Variants in DAPK2 observed in about 807,000 individuals in gnomAD.
DAPK2 encodes death associated protein kinase 2, also known as death-associated protein kinase 2.
DAPK2 carries 35 observed loss-of-function variants against 44.1 expected under a neutral mutation model. The ratio of observed to expected loss-of-function variants is 0.79; its 90% confidence interval spans 0.61 to 1.05. The LOEUF (loss-of-function observed/expected upper bound fraction) is 1.05. DAPK2 is among the 50% of genes least tolerant of loss of function. DAPK2 has a pLI of 0.00. For missense variants in DAPK2, 453 were observed against 483.2 expected, an observed-to-expected ratio of 0.94 and a Z score of 0.59; for synonymous variants, 174 against 182.6, an observed-to-expected ratio of 0.95 and a Z score of 0.38.
chr15:64,006,289 C>T (rs936267704), intron 1 of DAPK2, among the ~76,000 whole-genome samples: 5 of 152,254 alleles, frequency 3.3e-5, no homozygotes, highest in African/African-American at 1.2e-4. Flanking sequence ...ACACATGTAG[C>T]TTTTGCCAAT....
intron 3 of DAPK2, among the ~76,000 whole-genome samples, chr15:63,952,377 T>A (rs2077613719): frequency 6.6e-6 from 1 of 152,164 alleles, no homozygotes; most frequent in Admixed American, 6.5e-5. Context: ...CTTGAGTGAT[T>A]AGCAGGAAAT....
At position 63,912,779 on chromosome 15, in the gene DAPK2, T is replaced by C. The variant is rs1299962816; in HGVS notation, c.859-582A>G. 6.6e-6 allele frequency among the ~76,000 whole-genome samples: 1 copy of C among 152,184 alleles called. No homozygotes were observed. Among genetic ancestry groups the C allele is most frequent in the Non-Finnish European group, 1.5e-5 (1 of 68,036 alleles). ...AGTTTCCCCATCTGTAATATGGGGA[T>C]AATAATATCATGTCACAGGGTTGTT... On this transcript the variant is annotated intron_variant, in intron 8 of 10. Transcript: ENST00000261891. This position sits in a 1 kb window ranked among gnomAD's most constrained non-coding sequence, Gnocchi z 4.4.
intron 2 of DAPK2, among the ~76,000 whole-genome samples, 174 bp downstream of exon 3, chr15:63,983,359 A>G (rs958353964): frequency 6.6e-6 from 1 of 152,316 alleles, no homozygotes; most frequent in East Asian, 1.9e-4. Context: ...GGAAGCGGGT[A>G]AGGAGGAAGG....
chr15:63,929,854 C>T, intron 5 of DAPK2: 3 of 605,140 alleles, frequency 5.0e-6, no homozygotes, highest in Admixed American at 2.1e-5. Flanking sequence ...TCCCTTACCA[C>T]CTCGGAGCCC....
intron 1 of DAPK2, among the ~76,000 whole-genome samples, chr15:64,005,480 G>T (rs2079201536): frequency 6.6e-6 from 1 of 151,786 alleles, no homozygotes; most frequent in Admixed American, 6.6e-5. Flanking sequence ...AGGTGCTGGA[G>T]AAGATGTGGA....
upstream of DAPK2, chr15:64,040,355 G>T: frequency 1.0e-6 from 1 of 989,384 alleles, no homozygotes; most frequent in Non-Finnish European, 1.6e-6. Flanking sequence ...TTGGCTGCAA[G>T]GGAGCTAATA....
At chr15:63,948,083 C>T (rs1567225635) in intron 3 of DAPK2, among the ~76,000 whole-genome samples, 1 of 151,988 alleles carries the variant, frequency 6.6e-6, no homozygotes, top group Admixed American at 6.6e-5. Flanking sequence ...GCCTGGCCAA[C>T]ATAGCGAAAC....
At chr15:63,989,706 C>T (rs1348193223) in intron 1 of DAPK2, among the ~76,000 whole-genome samples, 2 of 152,130 alleles carry the variant, frequency 1.3e-5, no homozygotes, top group African/African-American at 2.4e-5. Flanking sequence ...TACATACACA[C>T]GCACATACAT....
chr15:63,941,109 C>T (rs1256503580), intron 3 of DAPK2, among the ~76,000 whole-genome samples: 2 of 152,226 alleles, frequency 1.3e-5, no homozygotes, highest in South Asian at 2.1e-4. Context: ...TCTTAAAGCA[C>T]TGAAGGGTTT....
intron 3 of DAPK2, among the ~76,000 whole-genome samples, chr15:63,949,611 C>A (rs1382337571): frequency 1.3e-5 from 2 of 152,152 alleles, no homozygotes; most frequent in Non-Finnish European, 1.5e-5. Context: ...ATCGGAATTC[C>A]CAAACCAACT....
intron 1 of DAPK2, among the ~76,000 whole-genome samples, chr15:64,000,343 C>A (rs2079053470): frequency 6.6e-6 from 1 of 152,154 alleles, no homozygotes; most frequent in Non-Finnish European, 1.5e-5. Context: ...AAACCTTTCT[C>A]CCTGAACAAA....
intron 8 of DAPK2, among the ~76,000 whole-genome samples, chr15:63,914,885 T>C (rs1045289241): frequency 2.0e-5 from 3 of 152,250 alleles, no homozygotes; most frequent in African/African-American, 7.2e-5. Context: ...TGATTCACTA[T>C]GCCGGGGCAC....
chr15:63,942,767 A>G (rs1467771267), intron 3 of DAPK2, among the ~76,000 whole-genome samples: 2 of 151,976 alleles, frequency 1.3e-5, no homozygotes, highest in Non-Finnish European at 2.9e-5. Flanking sequence ...CAGCAAAGGT[A>G]GTACCTCCTC....
At chr15:64,002,127 T>C (rs1179120295) in intron 1 of DAPK2, among the ~76,000 whole-genome samples, 2 of 152,218 alleles carry the variant, frequency 1.3e-5, no homozygotes, top group African/African-American at 4.8e-5. Flanking sequence ...CAACTCCTAC[T>C]GCAGAAGAGC....
chr15:63,996,274 G>A (rs1157002024), intron 1 of DAPK2, among the ~76,000 whole-genome samples: 9 of 152,058 alleles, frequency 5.9e-5, no homozygotes, highest in Admixed American at 5.9e-4. Context: ...TCTCTACCCT[G>A]CCCCCCAAAA....
chr15:63,988,246 C>T (rs1464360714), intron 1 of DAPK2, among the ~76,000 whole-genome samples: 5 of 152,096 alleles, frequency 3.3e-5, no homozygotes, highest in Non-Finnish European at 5.9e-5. Context: ...ACTTGTCAGG[C>T]CCCCAGGTGC....
At chr15:63,918,720 C>G (rs977912927) in intron 8 of DAPK2, 1 of 152,398 alleles carries the variant, frequency 6.6e-6, no homozygotes, top group Non-Finnish European at 1.5e-5. Flanking sequence ...TGCTGCGCAC[C>G]TATAGTCCCA....
chr15:64,035,333 C>T (rs1238708140), intron 1 of DAPK2, among the ~76,000 whole-genome samples: 3 of 152,180 alleles, frequency 2.0e-5, no homozygotes, highest in Admixed American at 2.0e-4. Context: ...TCTACTAGCA[C>T]CCTCCTCCTG....
chr15:63,978,094 G>A (rs971193459), intron 2 of DAPK2, among the ~76,000 whole-genome samples: 1 of 152,128 alleles, frequency 6.6e-6, no homozygotes, highest in African/African-American at 2.4e-5. Context: ...CAGAAGTTTG[G>A]TGAATAAAAG....
Sources: gnomAD v4.1 joint callset for allele counts (sites outside exome capture counted in the v4.1 genomes callset) on GRCh38, gnomAD v4.1.1 for gene constraint, Gnocchi (gnomAD v3.1) non-coding constraint, MANE v1.5 for transcripts, NCBI Gene and HGNC (gene_info 2026-07-23, HGNC 2026-07-21) for gene names.